The following SAG variants were observed in gnomAD, a reference collection of about 807,000 sequenced individuals.
SAG encodes the protein S-antigen visual arrestin, also known as S-arrestin.
Under a neutral mutation model 55.0 loss-of-function variants are expected in SAG, and 45 were observed. That is an observed-to-expected ratio of 0.82 (90% CI 0.64 to 1.05). The LOEUF (loss-of-function observed/expected upper bound fraction) is 1.05. Among genes scored for constraint, SAG ranks in the 50% least tolerant of loss-of-function variants. SAG has a pLI of 0.00. For synonymous variants in SAG, 189 were observed against 197.4 expected, an observed-to-expected ratio of 0.96 and a Z score of 0.36; for missense variants, 455 against 512.1, an observed-to-expected ratio of 0.89 and a Z score of 1.08.
rs140127325 is a variant in SAG, at chr2:233,331,458, G to A, written c.734-182G>A. The A allele has an allele frequency of 3.2e-4, 211 of 661,868 alleles. No homozygotes were observed. In the African/African-American group the frequency reaches 3.6e-3, roughly 11 times the overall value. 41.0% of individuals were successfully genotyped at this position (661,868 alleles called of 1,614,324 possible). ...AGCAGGTTATGGGTGACCAGAAATGGCCTGGAGACAGGACTTCAAAACCCC... is the reference window on the plus strand; with the variant it reads ...AGCAGGTTATGGGTGACCAGAAATGACCTGGAGACAGGACTTCAAAACCCC... On this transcript the variant is annotated intron_variant, in intron 9 of 15. Coordinates refer to ENST00000409110, the MANE Select transcript of SAG (RefSeq NM_000541.5).
At chr2:233,325,045 G>T (rs1223035562) in intron 6 of SAG, among the ~76,000 whole-genome samples, 1 of 152,048 alleles carries the variant, frequency 6.6e-6, no homozygotes, top group Middle Eastern at 3.2e-3. Context: ...GGCCAACATG[G>T]CAAAACCCCG....
At chr2:233,328,256 C>T (rs1700634151) in intron 7 of SAG, 1 of 470,510 alleles carries the variant, frequency 2.1e-6, no homozygotes. Context: ...CCTGGCCCCA[C>T]AGCTTCCCCC....
rs565530065 is a variant in SAG, at chr2:233,331,578, A to G, written c.734-62A>G. 9.4e-6 allele frequency: 10 copies of G among 1,059,724 alleles called. No homozygotes were observed. In the African/African-American group the frequency reaches 1.2e-4, roughly 13 times the overall value. The allele number at this position is 1,059,724 out of a possible 1,614,324, so 65.6% of individuals were successfully genotyped here. On this transcript the variant is annotated intron_variant, in intron 9 of 15. Coordinates refer to ENST00000409110, the MANE Select transcript of SAG (RefSeq NM_000541.5). ...ACCAGCGTGTACCCTGGGAGGCCGC[A>G]GGGAAAGTGCACGTGTTGGGGGACC...
chr2:233,330,530 TTC>T (rs1559446510), intron 9 of SAG, among the ~76,000 whole-genome samples: 30 of 149,312 alleles, frequency 2.0e-4, no homozygotes, highest in African/African-American at 6.2e-4. Context: ...CCTTCCTTCC[TTC>T]CTTCCTTCCT....
chr2:233,340,618 G>T lies in SAG; in HGVS notation c.1046+140G>T. ...GTGTTAGGAATGATGCTTTGCCTTC[G>T]GATGCATCACAGAACCGTGGCTCAT... is the stretch of plus-strand genomic sequence containing the variant. On this transcript the variant is annotated intron_variant, in intron 13 of 15. Coordinates refer to ENST00000409110, the MANE Select transcript of SAG (RefSeq NM_000541.5). This position sits in a 1 kb window ranked among gnomAD's most constrained non-coding sequence, Gnocchi z 4.2. 1 of 692,750 alleles carries T rather than the reference G, an allele frequency of 1.4e-6. No homozygotes were observed. 42.9% of individuals were successfully genotyped at this position (692,750 alleles called of 1,614,324 possible).
intron 11 of SAG, among the ~76,000 whole-genome samples, chr2:233,337,712 C>T (rs1700982036): frequency 6.6e-6 from 1 of 152,216 alleles, no homozygotes; most frequent in South Asian, 2.1e-4. Flanking sequence ...TTTTCCAGAG[C>T]TGTTCCATCC....
Position 233,319,508 on chromosome 2 carries a change from G to A in SAG, c.181+713G>A. The A allele has an allele frequency of 1.2e-6, 1 of 823,068 alleles. No individual in the cohort carries two copies. The highest frequency in any genetic ancestry group is 1.5e-6 in the Non-Finnish European group (1 of 679,650). The allele number at this position is 823,068 out of a possible 1,614,324, so 51.0% of individuals were successfully genotyped here. A position where few individuals can be genotyped will look rare whatever the true frequency, so the allele number is the denominator to read the frequency against. ...CCATTCTAAATATGCCTTTTTGAGT[G>A]TTGCTACTGGCAACATCAAGGAATT... On this transcript the variant is annotated intron_variant, in intron 4 of 15. Coordinates refer to ENST00000409110, the MANE Select transcript of SAG (RefSeq NM_000541.5). This position sits in a 1 kb window ranked among gnomAD's most constrained non-coding sequence, Gnocchi z 4.4.
chr2:233,318,623 ACTTTT>A, intron 3 of SAG, 123 bp from the exon 4 acceptor site: 1 of 821,624 alleles, frequency 1.2e-6, no homozygotes, highest in Non-Finnish European at 2.0e-6. Context: ...CCTTTGCCTG[ACTTTT>A]CTTTCTTTCT....
rs555163613 is a variant in SAG, at chr2:233,342,804, G to T, written c.1102+478G>T. The T allele has an allele frequency of 4.8e-3, 821 of 170,620 alleles. 7 individuals carry two copies. The highest frequency in any genetic ancestry group is 0.019 in the African/African-American group (788 of 41,180). 10.6% of individuals were successfully genotyped at this position (170,620 alleles called of 1,614,324 possible). A position where few individuals can be genotyped will look rare whatever the true frequency, so the allele number is the denominator to read the frequency against. ...AGACGGAGTCTCACTCTGTCACCCA[G>T]TCTGGAGTGCAGTGGTGTGATCAAG... On this transcript the variant is annotated intron_variant, in intron 14 of 15. Transcript: ENST00000409110.
intron 6 of SAG, among the ~76,000 whole-genome samples, chr2:233,325,367 A>AC (rs1481363744): frequency 2.0e-5 from 3 of 151,926 alleles, no homozygotes; most frequent in Admixed American, 1.3e-4. Flanking sequence ...AAAAAAAAAA[A>AC]AATAGAACAG....
At chr2:233,329,648 C>T (rs1157001126) in intron 9 of SAG, 71 bp downstream of exon 9, 8 of 1,049,062 alleles carry the variant, frequency 7.6e-6, no homozygotes, top group Admixed American at 1.9e-5. Context: ...TGAGAGGTCA[C>T]TTCTCTGGTC....
intron 11 of SAG, among the ~76,000 whole-genome samples, chr2:233,336,966 C>T (rs763072557): frequency 2.6e-5 from 4 of 152,078 alleles, no homozygotes; most frequent in East Asian, 1.9e-4. Context: ...CATGGTGGCA[C>T]GTGCCTGTAG....
intron 6 of SAG, among the ~76,000 whole-genome samples, chr2:233,325,069 T>C (rs1559441391): frequency 6.6e-6 from 1 of 151,854 alleles, no homozygotes; most frequent in Admixed American, 6.6e-5. Context: ...CTACTAAAAA[T>C]AGAAAAATTA....
At chr2:233,322,100 T>C (rs1700401783) in intron 5 of SAG, among the ~76,000 whole-genome samples, 1 of 139,748 alleles carries the variant, frequency 7.2e-6, no homozygotes, top group African/African-American at 2.8e-5. Context: ...GGCAGGAGAA[T>C]GGTGTGAACC....
chr2:233,320,515 C>G, intron 4 of SAG, 115 bp from the exon 5 acceptor site: 1 of 746,290 alleles, frequency 1.3e-6, no homozygotes, highest in Non-Finnish European at 2.1e-6. Flanking sequence ...CAATCCCAGC[C>G]CCTATCCCCT....
chr2:233,336,794 C>T (rs1031888161), intron 11 of SAG, among the ~76,000 whole-genome samples: 7 of 152,058 alleles, frequency 4.6e-5, no homozygotes, highest in African/African-American at 1.4e-4. Flanking sequence ...CCCCATTCAG[C>T]GCAAGGTAGA....
chr2:233,341,297 C>G (rs574532076), intron 13 of SAG, among the ~76,000 whole-genome samples: 71 of 152,318 alleles, frequency 4.7e-4, no homozygotes, highest in African/African-American at 1.7e-3. Context: ...GTGCACGCCA[C>G]TATGCCCGAC....
rs1559444756 is a variant in SAG, at chr2:233,328,498, T to G, written c.533T>G (p.Ile178Ser). Reference protein sequence around the residue: ...IPKKSSVRLLIRKVQHAPLEM... With the variant: ...IPKKSSVRLLSRKVQHAPLEM... ...CACAGGAGCTCCGTGCGATTACTGA[T>G]CCGCAAAGTACAGCATGCCCCACTT... The change falls in exon 8 of 16, where the codon ATC (isoleucine) becomes AGC (serine). Residue 178 changes from isoleucine (I) to serine (S), a missense_variant. Transcript: ENST00000409110. The G allele has an allele frequency of 6.2e-7, 1 of 1,613,762 alleles. No individual in the cohort carries two copies. Among genetic ancestry groups the G allele is most frequent in the Non-Finnish European group, 8.5e-7 (1 of 1,179,726 alleles).
Position 233,340,751 on chromosome 2 carries a change from T to TCG in SAG, c.1046+273_1046+274insCG, listed in dbSNP as rs111237424. On this transcript the variant is annotated intron_variant, in intron 13 of 15. Coordinates refer to ENST00000409110, the MANE Select transcript of SAG (RefSeq NM_000541.5). The surrounding 1 kb of genome is among the most constrained non-coding windows in gnomAD (Gnocchi z 4.2). ...AACTGGCACACTCCATGCAGCCAGC[T>TCG]TGTGTGTGTGTGTGTGTGTTTGTGT... 1.3e-5 allele frequency among the ~76,000 whole-genome samples: 2 copies of TCG among 151,268 alleles called. No individual in the cohort carries two copies. Among genetic ancestry groups the TCG allele is most frequent in the Non-Finnish European group, 3.0e-5 (2 of 67,796 alleles).
Sources: gnomAD v4.1 joint callset for allele counts (sites outside exome capture counted in the v4.1 genomes callset) on GRCh38, gnomAD v4.1.1 for gene constraint, Gnocchi (gnomAD v3.1) non-coding constraint, MANE v1.5 for transcripts, NCBI Gene and HGNC (gene_info 2026-07-23, HGNC 2026-07-21) for gene names.